The following XRCC5 variants were observed in gnomAD, a reference collection of about 807,000 sequenced individuals.
XRCC5 encodes the protein DNA repair protein Ku80.
Under a neutral mutation model 95.7 loss-of-function variants are expected in XRCC5, and 12 were observed. The ratio of observed to expected loss-of-function variants is 0.13; its 90% CI spans 0.08 to 0.20. The LOEUF (loss-of-function observed/expected upper bound fraction) is 0.20. Among genes scored for constraint, XRCC5 ranks in the 10% least tolerant of loss-of-function variants. The pLI is 1.00. For missense variants in XRCC5, 595 were observed against 873.9 expected (o/e 0.68, Z 4.02); for synonymous variants, 281 against 290.3 (o/e 0.97, Z 0.33).
At chr2:216,156,407 C>A in intron 14 of XRCC5, 1 of 805,048 alleles carries the variant, frequency 1.2e-6, no homozygotes, top group South Asian at 1.3e-5. Context: ...GGCAACAAGT[C>A]TGCTGAGATA....
chr2:216,156,402 C>T, intron 14 of XRCC5: 2 of 805,954 alleles, frequency 2.5e-6, no homozygotes, highest in Non-Finnish European at 2.1e-6. Flanking sequence ...TGCTTGGCAA[C>T]AAGTCTGCTG....
chr2:216,201,181 T>G (rs1249591402), intron 19 of XRCC5, among the ~76,000 whole-genome samples: 1 of 152,226 alleles, frequency 6.6e-6, no homozygotes, highest in East Asian at 1.9e-4. Flanking sequence ...GATTTCCCTC[T>G]TGCACCATGT....
At chr2:216,126,477 T>C (rs746714910) in intron 7 of XRCC5, among the ~76,000 whole-genome samples, 3 of 152,202 alleles carry the variant, frequency 2.0e-5, no homozygotes, top group African/African-American at 4.8e-5. Flanking sequence ...AAAAAATGTT[T>C]TGTTACTGTA....
intron 3 of XRCC5, 126 bp downstream of exon 3, chr2:216,116,968 G>A (rs1184125742): frequency 1.9e-6 from 2 of 1,033,312 alleles, no homozygotes; most frequent in Non-Finnish European, 2.8e-6. Context: ...TCTGAGGAGG[G>A]GGAGGTAATG....
At chr2:216,160,358 A>G (rs1160214834) in intron 15 of XRCC5, among the ~76,000 whole-genome samples, 197 bp downstream of exon 15, 1 of 152,242 alleles carries the variant, frequency 6.6e-6, no homozygotes, top group Non-Finnish European at 1.5e-5. Context: ...AATTGCCTAC[A>G]GAATTATCTA....
At chr2:216,185,348 A>G (rs1267518864) in intron 16 of XRCC5, among the ~76,000 whole-genome samples, 2 of 152,242 alleles carry the variant, frequency 1.3e-5, no homozygotes, top group African/African-American at 4.8e-5. Flanking sequence ...TATATCCGAT[A>G]GTAAAGAGGC....
intron 19 of XRCC5, among the ~76,000 whole-genome samples, chr2:216,197,150 A>G (rs1689738500): frequency 6.6e-6 from 1 of 152,226 alleles, no homozygotes; most frequent in African/African-American, 2.4e-5. Context: ...AAATTGTGCA[A>G]GGCTTGTTCT....
At chr2:216,178,091 AAAG>A (rs1213407237) in intron 16 of XRCC5, among the ~76,000 whole-genome samples, 4 of 152,228 alleles carry the variant, frequency 2.6e-5, no homozygotes, top group African/African-American at 7.2e-5. Flanking sequence ...ATAAAACAAA[AAAG>A]AAAGAAAAGG....
At chr2:216,180,970 C>T (rs1235758539) in intron 16 of XRCC5, among the ~76,000 whole-genome samples, 1 of 151,908 alleles carries the variant, frequency 6.6e-6, no homozygotes, top group Non-Finnish European at 1.5e-5. Flanking sequence ...TGCACCACCA[C>T]ACCCAGCTAA....
intron 6 of XRCC5, among the ~76,000 whole-genome samples, chr2:216,122,643 C>A (rs1319061338): frequency 6.6e-6 from 1 of 150,520 alleles, no homozygotes; most frequent in African/African-American, 2.4e-5. Flanking sequence ...GGTCTCAGAT[C>A]TGAGATAGTC....
intron 13 of XRCC5, among the ~76,000 whole-genome samples, chr2:216,142,148 C>T (rs1021606917): frequency 6.6e-6 from 1 of 152,042 alleles, no homozygotes; most frequent in Non-Finnish European, 1.5e-5. Context: ...TACCATTGCC[C>T]CCAGCCAGAT....
intron 8 of XRCC5, 89 bp from the exon 9 acceptor site, chr2:216,130,784 CGT>C: frequency 1.4e-6 from 1 of 732,622 alleles, no homozygotes; most frequent in Non-Finnish European, 2.3e-6. Context: ...CTGGCGTGTG[CGT>C]GTGTTGTTAA....
At chr2:216,141,394 C>A in intron 13 of XRCC5, 75 bp downstream of exon 13, 1 of 1,540,418 alleles carries the variant, frequency 6.5e-7, no homozygotes, top group Non-Finnish European at 8.9e-7. Context: ...CGGTAATTGG[C>A]CAGTCCTAAA....
chr2:216,159,707 T>G (rs1688913651), intron 14 of XRCC5, among the ~76,000 whole-genome samples: 1 of 152,220 alleles, frequency 6.6e-6, no homozygotes, highest in Non-Finnish European at 1.5e-5. Context: ...AAATAATATC[T>G]GAAGAGTAAA....
chr2:216,189,707 G>A (rs544492070), intron 16 of XRCC5, among the ~76,000 whole-genome samples: 1 of 152,284 alleles, frequency 6.6e-6, no homozygotes, highest in South Asian at 2.1e-4. Flanking sequence ...GTTAAGACTA[G>A]GGCTGATCTT....
chr2:216,200,808 TGTA>T (rs1448912028), intron 19 of XRCC5, among the ~76,000 whole-genome samples: 2 of 152,222 alleles, frequency 1.3e-5, no homozygotes, highest in Non-Finnish European at 2.9e-5. Context: ...ATTATAGCTA[TGTA>T]GTAATCCCTT....
chr2:216,186,070 C>A (rs1689487042), intron 16 of XRCC5, among the ~76,000 whole-genome samples: 1 of 152,178 alleles, frequency 6.6e-6, no homozygotes, highest in Non-Finnish European at 1.5e-5. Flanking sequence ...CTGAGTTCAG[C>A]CAAATCATTT....
At chr2:216,137,016 T>A (rs1697093878) in intron 10 of XRCC5, 72 bp from the exon 11 acceptor site, 1 of 1,525,154 alleles carries the variant, frequency 6.6e-7, no homozygotes, top group African/African-American at 1.4e-5. Context: ...ATAACAGTCT[T>A]AAAGTATTGA....
In XRCC5 at chr2:216,181,058, C is replaced by T. The variant is rs142579085; in HGVS notation, c.1835-9167C>T. Among the ~76,000 whole-genome samples the T allele has an allele frequency of 4.7e-3, 710 of 152,114 alleles. 6 individuals carry two copies. The highest frequency in any genetic ancestry group is 0.016 in the African/African-American group (671 of 41,480). ...GAACTCCCGACCTCAGATCATCCAC[C>T]CGCCTCGGCCTCCCAAAGTGCTGGG... On this transcript the variant is annotated intron_variant, in intron 16 of 20. Coordinates refer to ENST00000392132, the MANE Select transcript of XRCC5 (RefSeq NM_021141.4).
Sources: allele counts gnomAD v4.1 joint callset (sites outside exome capture counted in the v4.1 genomes callset), GRCh38; gene constraint gnomAD v4.1.1; transcripts MANE v1.5; gene names NCBI Gene and HGNC (gene_info 2026-07-23, HGNC 2026-07-21).